Variants in TMCO5A observed in about 807,000 individuals in gnomAD.
The protein encoded by TMCO5A is transmembrane and coiled-coil domain-containing protein 5A.
A neutral mutation model predicts 42.3 loss-of-function variants in TMCO5A; 34 were observed. The ratio of observed to expected loss-of-function variants is 0.80; its 90% CI spans 0.61 to 1.07. The LOEUF is 1.07. Among genes scored for constraint, TMCO5A ranks in the 50% least tolerant of loss-of-function variants. The probability of loss-of-function intolerance (pLI) is 0.00; values close to 1 mark genes in which losing one functional copy is unlikely to be tolerated. For synonymous variants in TMCO5A, 131 were observed against 115.6 expected (o/e 1.13, Z -0.86); for missense variants, 357 against 327.9 (o/e 1.09, Z -0.69).
chr15:38,020,225 T>A, the TMCO5A span: 13 of 152,244 alleles, frequency 8.5e-5, no homozygotes, highest in Admixed American at 7.9e-4. Context: ...CAGTCTGGTC[T>A]TGAGAGCTTC....
the TMCO5A span, among the ~76,000 whole-genome samples, chr15:37,992,286 A>G: frequency 6.6e-6 from 1 of 152,312 alleles, no homozygotes; most frequent in Admixed American, 6.5e-5. Flanking sequence ...ATGCAAATCA[A>G]AACCACAGTA....
At chr15:37,992,312 C>A in the TMCO5A span, among the ~76,000 whole-genome samples, 1 of 152,088 alleles carries the variant, frequency 6.6e-6, no homozygotes, top group African/African-American at 2.4e-5. Flanking sequence ...CCATCTCACA[C>A]CAGTCAGAAT....
chr15:38,001,474 C>CTTTTGG, the TMCO5A span, among the ~76,000 whole-genome samples: 4 of 144,282 alleles, frequency 2.8e-5, no homozygotes, highest in Admixed American at 7.0e-5. Flanking sequence ...CACTCTATGT[C>CTTTTGG]TTTTGGTTGG....
At chr15:37,982,706 TTTATAA>T in the TMCO5A span, among the ~76,000 whole-genome samples, 2 of 142,920 alleles carry the variant, frequency 1.4e-5, no homozygotes, top group Non-Finnish European at 3.0e-5. Flanking sequence ...ATGATCTATG[TTTATAA>T]TTATATAAAT....
the TMCO5A span, among the ~76,000 whole-genome samples, chr15:38,022,441 A>G: frequency 2.6e-5 from 4 of 152,232 alleles, no homozygotes; most frequent in Non-Finnish European, 5.9e-5. Flanking sequence ...ATTCTGGAAA[A>G]TATAAAACTA....
intron 11 of TMCO5A, among the ~76,000 whole-genome samples, chr15:37,949,211 A>G (rs923374425): frequency 6.6e-6 from 1 of 152,196 alleles, no homozygotes; most frequent in African/African-American, 2.4e-5. Context: ...TACAGATAAC[A>G]TGAATGAAAG....
chr15:38,037,968 A>G, the TMCO5A span, among the ~76,000 whole-genome samples: 17 of 151,830 alleles, frequency 1.1e-4, no homozygotes, highest in African/African-American at 2.9e-4. Flanking sequence ...AGCCAAGATC[A>G]CGCCATCACA....
At chr15:37,946,064 C>A (rs1024688249) in intron 10 of TMCO5A, among the ~76,000 whole-genome samples, 1 of 152,056 alleles carries the variant, frequency 6.6e-6, no homozygotes, top group Non-Finnish European at 1.5e-5. Flanking sequence ...AGGAAGCAGT[C>A]CAGTTTCAAT....
At chr15:37,972,338 C>A (rs186343922), downstream of TMCO5A, among the ~76,000 whole-genome samples, 1 of 152,194 alleles carries the variant, frequency 6.6e-6, no homozygotes, top group Non-Finnish European at 1.5e-5. Flanking sequence ...CCTCCCACAA[C>A]CCGTGGGAAT....
chr15:37,952,866 C>T (rs1449009090), downstream of TMCO5A, among the ~76,000 whole-genome samples: 1 of 152,196 alleles, frequency 6.6e-6, no homozygotes, highest in Non-Finnish European at 1.5e-5. Flanking sequence ...GCAGCATTCA[C>T]TACAAGCTAA....
At chr15:37,992,865 G>C in the TMCO5A span, among the ~76,000 whole-genome samples, 1 of 152,284 alleles carries the variant, frequency 6.6e-6, no homozygotes, top group African/African-American at 2.4e-5. Context: ...AGGATGGGAA[G>C]AGGGAGAGAA....
At chr15:38,019,481 G>C in the TMCO5A span, among the ~76,000 whole-genome samples, 1 of 152,034 alleles carries the variant, frequency 6.6e-6, no homozygotes, top group East Asian at 1.9e-4. Context: ...TTACATTTTA[G>C]AACAGGTTTA....
intron 11 of TMCO5A, among the ~76,000 whole-genome samples, chr15:37,966,374 T>A (rs767890191): frequency 3.3e-5 from 5 of 152,112 alleles, no homozygotes; most frequent in Admixed American, 1.3e-4. Flanking sequence ...TTTGAATAAC[T>A]AAGTATAATT....
At chr15:37,941,402 T>C (rs1889734402) in intron 7 of TMCO5A, among the ~76,000 whole-genome samples, 197 bp downstream of exon 7, 1 of 152,092 alleles carries the variant, frequency 6.6e-6, no homozygotes, top group African/African-American at 2.4e-5. Flanking sequence ...TTTTACAGAA[T>C]ACACTCTACA....
At chr15:37,997,673 A>C in the TMCO5A span, among the ~76,000 whole-genome samples, 1 of 152,172 alleles carries the variant, frequency 6.6e-6, no homozygotes, top group Non-Finnish European at 1.5e-5. Flanking sequence ...AATAAACATA[A>C]GAGTGCAGAT....
the TMCO5A span, among the ~76,000 whole-genome samples, chr15:38,017,706 G>C: frequency 6.6e-6 from 1 of 152,086 alleles, no homozygotes; most frequent in Admixed American, 6.6e-5. Flanking sequence ...ATCTGAGTAA[G>C]GGTACTCAGA....
At chr15:38,002,602 A>T in the TMCO5A span, among the ~76,000 whole-genome samples, 5 of 151,820 alleles carry the variant, frequency 3.3e-5, no homozygotes, top group East Asian at 9.7e-4. Flanking sequence ...AAGCTCACTA[A>T]TTCTTCTGCT....
chr15:38,033,523 A>G, the TMCO5A span, among the ~76,000 whole-genome samples: 2 of 151,884 alleles, frequency 1.3e-5, no homozygotes, highest in African/African-American at 4.8e-5. Context: ...TGAATACCAT[A>G]TTCATGCTTC....
Position 37,942,259 on chromosome 15 carries a change from A to G in TMCO5A, c.569+4A>G, listed in dbSNP as rs377271682. The G allele has an allele frequency of 1.9e-6, 3 of 1,612,284 alleles. No homozygotes were observed. Among genetic ancestry groups the G allele is most frequent in the Middle Eastern group, 1.6e-4 (1 of 6,062 alleles). On this transcript the variant is annotated splice_donor_region_variant and intron_variant, in intron 9 of 11. Transcript: ENST00000319669. ...CTCTGTTCCTTGAGAGAGAAGTGTG[A>G]GCTTTGGCAAAGGAACATCCTGGTT...
Sources: allele counts gnomAD v4.1 joint callset (sites outside exome capture counted in the v4.1 genomes callset), GRCh38; gene constraint gnomAD v4.1.1; transcripts MANE v1.5; gene names NCBI Gene and HGNC (gene_info 2026-07-23, HGNC 2026-07-21).